The following LDLRAD3 variants were observed in gnomAD, a reference collection of about 807,000 sequenced individuals.
LDLRAD3 encodes low-density lipoprotein receptor class A domain-containing protein 3.
LDLRAD3 carries 20 observed loss-of-function variants against 29.4 expected under a neutral mutation model. That is an observed-to-expected ratio of 0.68 (90% CI 0.48 to 0.99). LDLRAD3 has a LOEUF of 0.99. Ranked by LOEUF, LDLRAD3 falls within the 50% of genes least tolerant of loss-of-function variation. The pLI, the probability that LDLRAD3 is intolerant of heterozygous loss-of-function variation, is 0.00. For missense variants in LDLRAD3, 420 were observed against 454.3 expected, an observed-to-expected ratio of 0.92 and a Z score of 0.69; for synonymous variants, 157 against 192.7, an observed-to-expected ratio of 0.81 and a Z score of 1.53.
intron 4 of LDLRAD3, among the ~76,000 whole-genome samples, chr11:36,170,295 C>CAT (rs980720799): frequency 2.7e-4 from 27 of 100,204 alleles, no homozygotes; most frequent in South Asian, 1.9e-3. Flanking sequence ...TATATACACA[C>CAT]ATATATATAC....
chr11:36,183,052 A>G (rs1854787473), intron 4 of LDLRAD3, among the ~76,000 whole-genome samples: 1 of 152,232 alleles, frequency 6.6e-6, no homozygotes, highest in African/African-American at 2.4e-5. Context: ...AATTGAATTT[A>G]TCATTTATGA....
chr11:36,043,620 A>G (rs2133216601), intron 2 of LDLRAD3, among the ~76,000 whole-genome samples: 1 of 152,334 alleles, frequency 6.6e-6, no homozygotes, highest in South Asian at 2.1e-4. Context: ...ATAAGACGAT[A>G]ATATGAAGAT....
intron 4 of LDLRAD3, among the ~76,000 whole-genome samples, chr11:36,201,237 G>T (rs1189012141): frequency 2.6e-5 from 4 of 152,172 alleles, no homozygotes; most frequent in African/African-American, 9.7e-5. Context: ...ACCACTGACA[G>T]CCCTCCCCAC....
In LDLRAD3 at chr11:36,228,941, G is replaced by A. The variant is rs144629419; in HGVS notation, c.801-219G>A. 2.5e-3 allele frequency among the ~76,000 whole-genome samples: 381 copies of A among 152,316 alleles called. 1 individual carries two copies. The highest frequency in any genetic ancestry group is 2.6e-3 in the Non-Finnish European group (178 of 68,036). The stretch of plus-strand genomic sequence containing the variant: ...ACCCAGAGGATGTGGTTTTGGCACC[G>A]TCCGGTCAACACCAACCAGCCAGAA... On this transcript the variant is annotated intron_variant, in intron 5 of 5. Coordinates refer to ENST00000315571, the MANE Select transcript of LDLRAD3 (RefSeq NM_174902.4).
rs968922879 is a variant in LDLRAD3, at chr11:36,229,491, T to G, written c.*94T>G. 3 of 861,462 alleles carry G rather than the reference T, an allele frequency of 3.5e-6. No individual in the cohort carries two copies. The African/African-American group carries it at 5.0e-5, about 14-fold the overall frequency. 53.4% of individuals were successfully genotyped at this position (861,462 alleles called of 1,614,324 possible). On this transcript the variant is annotated 3_prime_UTR_variant, in exon 6 of 6. Coordinates refer to ENST00000315571, the MANE Select transcript of LDLRAD3 (RefSeq NM_174902.4). ...TCATGGGAAGCTCTTTAAGCACCTG[T>G]AAGGGTGTCTCAAGTTACAGTTTGG...
intron 1 of LDLRAD3, among the ~76,000 whole-genome samples, chr11:35,992,908 A>G (rs1851707381): frequency 6.6e-6 from 1 of 152,236 alleles, no homozygotes; most frequent in Non-Finnish European, 1.5e-5. Context: ...GCAAACAAGA[A>G]CATTTATATA....
At chr11:36,173,328 C>A (rs1854624804) in intron 4 of LDLRAD3, among the ~76,000 whole-genome samples, 1 of 108,986 alleles carries the variant, frequency 9.2e-6, no homozygotes, top group Non-Finnish European at 1.8e-5. Flanking sequence ...TAATGCTATC[C>A]CTCCCCCCTC....
intron 1 of LDLRAD3, among the ~76,000 whole-genome samples, chr11:35,956,880 C>A (rs749549051): frequency 1.3e-5 from 2 of 151,814 alleles, no homozygotes; most frequent in Admixed American, 6.6e-5. Flanking sequence ...GGACTACAGG[C>A]GCCCGCCACT....
intron 1 of LDLRAD3, among the ~76,000 whole-genome samples, chr11:35,959,252 G>T (rs1337804537): frequency 6.6e-6 from 1 of 152,164 alleles, no homozygotes; most frequent in African/African-American, 2.4e-5. Flanking sequence ...ATCAGAGAAA[G>T]CTTCCTGTTC....
At position 36,229,223 on chromosome 11, in the gene LDLRAD3, C is replaced by T. The variant is rs199838350; in HGVS notation, c.864C>T (p.Ala288=). 1.5e-4 allele frequency: 248 copies of T among 1,614,018 alleles called. No individual in the cohort carries two copies. Among genetic ancestry groups the T allele is most frequent in the South Asian group, 2.3e-4 (21 of 91,064 alleles). ...CTGACACGGAATCTCTGAACCAAGC[C>T]GACCTGCCCCCCTACCGCTCCCGGT... ...YSSDTESLNQ[A]DLPPYRSRSG... Residue 288 remains alanine (A), a synonymous_variant, in exon 6 of 6, where the codon GCC becomes GCT. Transcript: ENST00000315571.
intron 1 of LDLRAD3, among the ~76,000 whole-genome samples, chr11:35,958,284 G>A (rs1373613897): frequency 2.0e-5 from 3 of 152,212 alleles, no homozygotes; most frequent in African/African-American, 7.2e-5. Context: ...CACAGACACA[G>A]AGCATTTCTG....
intron 4 of LDLRAD3, among the ~76,000 whole-genome samples, chr11:36,110,787 G>A (rs1853594831): frequency 6.6e-6 from 1 of 152,248 alleles, no homozygotes; most frequent in Non-Finnish European, 1.5e-5. Context: ...ACCCTCAAGT[G>A]TGATAAATGC....
At chr11:35,966,953 G>A (rs1350897406) in intron 1 of LDLRAD3, 1 of 156,702 alleles carries the variant, frequency 6.4e-6, no homozygotes, top group Non-Finnish European at 1.4e-5. Flanking sequence ...ATCCTTGGTA[G>A]GGCAACCTCC....
At chr11:36,067,424 C>T (rs769376282) in intron 2 of LDLRAD3, among the ~76,000 whole-genome samples, 4 of 152,116 alleles carry the variant, frequency 2.6e-5, no homozygotes, top group South Asian at 4.2e-4. Context: ...ATGTATAAAA[C>T]GATAGCAAAT....
In LDLRAD3 at chr11:35,959,403, A is replaced by G. The variant is rs557146336; in HGVS notation, c.46+15259A>G. ...GTTCGTGTAGAACTTAACACACAGT[A>G]TTGCAGTTTATTTATGCTTGTTCTC... On this transcript the variant is annotated intron_variant, in intron 1 of 5. Transcript: ENST00000315571. Among the ~76,000 whole-genome samples the G allele has an allele frequency of 2.3e-4, 35 of 152,282 alleles. No homozygotes were observed. In the South Asian group the frequency reaches 7.1e-3, roughly 31 times the overall value.
chr11:35,969,941 G>A (rs974987817), intron 1 of LDLRAD3, among the ~76,000 whole-genome samples: 3 of 152,110 alleles, frequency 2.0e-5, no homozygotes, highest in Non-Finnish European at 4.4e-5. Flanking sequence ...TGAGGATACC[G>A]GCTTATTTGC....
rs141501709 is a variant in LDLRAD3 at position 36,031,031 on chromosome 11, C to T, written c.47-5072C>T. Among the ~76,000 whole-genome samples the T allele has an allele frequency of 2.8e-3, 430 of 151,744 alleles. 1 individual carries two copies. Among genetic ancestry groups the T allele is most frequent in the Non-Finnish European group, 4.4e-3 (300 of 67,978 alleles). On this transcript the variant is annotated intron_variant, in intron 1 of 5. Coordinates refer to ENST00000315571, the MANE Select transcript of LDLRAD3 (RefSeq NM_174902.4). ...TGGGAGCCAGCAGTTTTGGAAGAAG[C>T]TTCTGCAGCAGGCTGTTTGCCTTTG...
intron 4 of LDLRAD3, among the ~76,000 whole-genome samples, chr11:36,106,861 G>T (rs762016697): frequency 2.0e-5 from 3 of 152,230 alleles, no homozygotes; most frequent in Admixed American, 2.0e-4. Flanking sequence ...TCCCTGCCCC[G>T]TGGATGCGGG....
intron 1 of LDLRAD3, among the ~76,000 whole-genome samples, chr11:36,002,476 T>C (rs1246280463): frequency 6.6e-6 from 1 of 152,226 alleles, no homozygotes; most frequent in African/African-American, 2.4e-5. Context: ...CCTGTGACTG[T>C]CCTGCCTGGA....
Sources: allele counts gnomAD v4.1 joint callset (sites outside exome capture counted in the v4.1 genomes callset), GRCh38; gene constraint gnomAD v4.1.1; transcripts MANE v1.5; gene names NCBI Gene and HGNC (gene_info 2026-07-23, HGNC 2026-07-21).